EVC2: variants seen among roughly 807,000 people sequenced by gnomAD.
EVC2 encodes the protein limbin.
Under a neutral mutation model 149.3 loss-of-function variants are expected in EVC2, and 148 were observed. The observed-to-expected ratio is 0.99, with a 90% CI of 0.87 to 1.14. The LOEUF (loss-of-function observed/expected upper bound fraction) is 1.14. Ranked by LOEUF, EVC2 falls within the 50% of genes most tolerant of loss-of-function variation. The pLI, the probability that EVC2 is intolerant of heterozygous loss-of-function variation, is 0.00. For synonymous variants in EVC2, 776 were observed against 649.9 expected, an observed-to-expected ratio of 1.19 and a Z score of -2.95; for missense variants, 1,854 against 1,627.3, an observed-to-expected ratio of 1.14 and a Z score of -2.40.
At chr4:5,536,238 C>T in the EVC2 span, among the ~76,000 whole-genome samples, 11 of 152,062 alleles carry the variant, frequency 7.2e-5, no homozygotes, top group African/African-American at 9.7e-5. Context: ...GGTATTGACA[C>T]TCTACTTATT....
rs1577179393 is a variant in EVC2, at chr4:5,628,744, A to G, written c.1711-10T>C. Reference sequence around the variant, plus strand: ...ACTCTTCTACATTCTCCTGTCAATTAAAAAAAAAAACAAGAAAATATGCCT... The same window carrying G: ...ACTCTTCTACATTCTCCTGTCAATTGAAAAAAAAAACAAGAAAATATGCCT... On this transcript the variant is annotated splice_polypyrimidine_tract_variant and intron_variant, in intron 11 of 21. Coordinates refer to ENST00000344408, the MANE Select transcript of EVC2 (RefSeq NM_147127.5). 1.9e-6 allele frequency: 1 copy of G among 527,754 alleles called. No homozygotes were observed. Among genetic ancestry groups the G allele is most frequent in the Non-Finnish European group, 2.4e-6 (1 of 417,484 alleles). 32.7% of individuals were successfully genotyped at this position (527,754 alleles called of 1,614,324 possible). A position where few individuals can be genotyped will look rare whatever the true frequency, so the allele number is the denominator to read the frequency against.
At chr4:5,628,177 T>C (rs554401961) in intron 12 of EVC2, among the ~76,000 whole-genome samples, 2 of 152,266 alleles carry the variant, frequency 1.3e-5, no homozygotes, top group East Asian at 3.9e-4. Flanking sequence ...AGGCAGTTCA[T>C]TTGTGCCGTG....
chr4:5,628,863 A>T, intron 11 of EVC2, 129 bp from the exon 12 acceptor site: 1 of 925,618 alleles, frequency 1.1e-6, no homozygotes, highest in Non-Finnish European at 1.6e-6. Flanking sequence ...GAGAATTAAC[A>T]CCTTTAACCT....
chr4:5,593,987 T>C (rs1043310838), intron 16 of EVC2, among the ~76,000 whole-genome samples: 4 of 152,172 alleles, frequency 2.6e-5, no homozygotes, highest in Non-Finnish European at 5.9e-5. Flanking sequence ...CAGTCTGACA[T>C]TGAACTGCAA....
intron 2 of EVC2, among the ~76,000 whole-genome samples, chr4:5,695,242 G>A (rs1050022472): frequency 1.3e-5 from 2 of 151,992 alleles, no homozygotes; most frequent in Non-Finnish European, 2.9e-5. Context: ...CAGCTATTCG[G>A]GAGGGTGAGG....
chr4:5,563,531 G>A (rs1388857107), intron 21 of EVC2, among the ~76,000 whole-genome samples: 5 of 152,010 alleles, frequency 3.3e-5, no homozygotes, highest in African/African-American at 9.7e-5. Flanking sequence ...TAATAGAGAC[G>A]GGGTTTCACC....
intron 16 of EVC2, among the ~76,000 whole-genome samples, chr4:5,590,404 A>G (rs913332927): frequency 6.6e-6 from 1 of 152,158 alleles, no homozygotes; most frequent in East Asian, 1.9e-4. Context: ...AAACCTTGGA[A>G]GTTGAGTTCC....
At chr4:5,701,390 G>A (rs115985658) in intron 1 of EVC2, among the ~76,000 whole-genome samples, 6,928 of 152,260 alleles carry the variant, frequency 0.046, 515 homozygotes, top group African/African-American at 0.15. Context: ...GGGTCTGGAC[G>A]TGGGCATCTT....
intron 6 of EVC2, among the ~76,000 whole-genome samples, chr4:5,681,923 C>T (rs749682463): frequency 3.9e-5 from 6 of 152,084 alleles, no homozygotes; most frequent in Non-Finnish European, 1.5e-5. Context: ...GACAGGCTGT[C>T]TATAGGGTGG....
intron 6 of EVC2, among the ~76,000 whole-genome samples, chr4:5,684,346 T>G (rs1183094943): frequency 2.0e-5 from 3 of 152,204 alleles, no homozygotes; most frequent in African/African-American, 7.2e-5. Flanking sequence ...ACCACCACAC[T>G]GGCCTCGCAG....
chr4:5,588,504 T>C (rs2108793581), intron 16 of EVC2, among the ~76,000 whole-genome samples: 1 of 152,284 alleles, frequency 6.6e-6, no homozygotes, highest in South Asian at 2.1e-4. Context: ...TTCTCTCTCC[T>C]CTTCTCCAGG....
At chr4:5,665,723 G>A in intron 7 of EVC2, 74 bp from the exon 8 acceptor site, 1 of 1,583,976 alleles carries the variant, frequency 6.3e-7, no homozygotes, top group South Asian at 1.1e-5. Flanking sequence ...AGATGATTGA[G>A]TGTCAGAGCA....
rs1420319950 is a variant in EVC2, at chr4:5,623,555, C to CT, written c.2047-565dup. ...GGGTTTCACCATGTTGGCTGAGCTC[C>CT]TCTTGAACTCCTGACCTCAAGTGAT... On this transcript the variant is annotated intron_variant, in intron 13 of 21. Coordinates refer to ENST00000344408, the MANE Select transcript of EVC2 (RefSeq NM_147127.5). Among the ~76,000 whole-genome samples, 3 of 152,130 alleles carry CT rather than the reference C, an allele frequency of 2.0e-5. No individual in the cohort carries two copies. The East Asian group carries it at 5.8e-4, about 29-fold the overall frequency.
intron 16 of EVC2, among the ~76,000 whole-genome samples, chr4:5,609,182 A>C (rs1714630777): frequency 6.6e-6 from 1 of 152,092 alleles, no homozygotes; most frequent in Admixed American, 6.6e-5. Context: ...TAAATCTGAA[A>C]AAATCTCCTC....
At chr4:5,574,966 A>G (rs993330299) in intron 18 of EVC2, among the ~76,000 whole-genome samples, 194 bp from the exon 19 acceptor site, 1 of 152,310 alleles carries the variant, frequency 6.6e-6, no homozygotes, top group African/African-American at 2.4e-5. Flanking sequence ...CATGTCAAGG[A>G]GGGTTTCCTC....
At chr4:5,533,782 T>A in the EVC2 span, among the ~76,000 whole-genome samples, 766 of 152,014 alleles carry the variant, frequency 5.0e-3, 5 homozygotes, top group African/African-American at 0.018. Context: ...GGTGGACAAG[T>A]CCCAAAAGGC....
At chr4:5,548,573 G>A (rs947615149) in intron 21 of EVC2, among the ~76,000 whole-genome samples, 2 of 151,944 alleles carry the variant, frequency 1.3e-5, no homozygotes, top group Non-Finnish European at 2.9e-5. Context: ...GAGAGTGTCT[G>A]CAGAAAATTT....
In EVC2 at chr4:5,586,311, G is replaced by C. The variant is rs558989422; in HGVS notation, c.2830-1461C>G. Among the ~76,000 whole-genome samples the C allele has an allele frequency of 2.6e-5, 4 of 151,930 alleles. No individual in the cohort carries two copies. In the South Asian group the frequency reaches 8.4e-4, roughly 32 times the overall value. Reference sequence around the variant, plus strand: ...TTTGTTATTTTAGTGGCTGCTTTAGGGTTTATAGTACACATCTTTGACTTA... The same window carrying C: ...TTTGTTATTTTAGTGGCTGCTTTAGCGTTTATAGTACACATCTTTGACTTA... On this transcript the variant is annotated intron_variant, in intron 16 of 21. Coordinates refer to ENST00000344408, the MANE Select transcript of EVC2 (RefSeq NM_147127.5).
rs559430535 is a variant in EVC2, at chr4:5,593,022, T to C, written c.2830-8172A>G. On this transcript the variant is annotated intron_variant, in intron 16 of 21. Coordinates refer to ENST00000344408, the MANE Select transcript of EVC2 (RefSeq NM_147127.5). The stretch of plus-strand genomic sequence containing the variant: ...AGATCTGATGGTTTTTTAAGGGATT[T>C]TTCTCCCTCTTTGCTCTGCAATTCT... Among the ~76,000 whole-genome samples, 31 of 152,280 alleles carry C rather than the reference T, an allele frequency of 2.0e-4. No individual in the cohort carries two copies. The South Asian group carries it at 5.8e-3, about 29-fold the overall frequency.
Sources: allele counts gnomAD v4.1 joint callset (sites outside exome capture counted in the v4.1 genomes callset), GRCh38; gene constraint gnomAD v4.1.1; transcripts MANE v1.5; gene names NCBI Gene and HGNC (gene_info 2026-07-23, HGNC 2026-07-21).